Variants in CACNB2 observed in about 807,000 individuals in gnomAD.
CACNB2 encodes calcium voltage-gated channel auxiliary subunit beta 2, also known as voltage-dependent L-type calcium channel subunit beta-2.
Under a neutral mutation model 73.3 loss-of-function variants are expected in CACNB2, and 42 were observed. That is an observed-to-expected ratio of 0.57 (90% CI 0.45 to 0.74). CACNB2 has a LOEUF of 0.74. CACNB2 is among the 30% of genes least tolerant of loss of function. The pLI is 0.00. For missense variants in CACNB2, 940 were observed against 853.0 expected, an observed-to-expected ratio of 1.10 and a Z score of -1.27; for synonymous variants, 348 against 310.3, an observed-to-expected ratio of 1.12 and a Z score of -1.28.
chr10:18,211,321 G>A (rs1017878238), intron 2 of CACNB2, among the ~76,000 whole-genome samples: 1 of 152,142 alleles, frequency 6.6e-6, no homozygotes, highest in Non-Finnish European at 1.5e-5. Flanking sequence ...TCTTTGAAAT[G>A]CATAATTCCC....
rs1291732879 is a variant in CACNB2, at chr10:18,248,566, T to C, written c.213+97591T>C. Among the ~76,000 whole-genome samples the C allele has an allele frequency of 4.6e-5, 7 of 152,256 alleles. No individual in the cohort carries two copies. The South Asian group carries it at 6.2e-4, about 13-fold the overall frequency. ...TTGAGATTTTCCTCATTCATTTCTT[T>C]GTCACTATGTAGCTCATAGCTAATT... On this transcript the variant is annotated intron_variant, in intron 2 of 13. Transcript: ENST00000324631.
At chr10:18,353,976 A>C (rs1167004463) in intron 2 of CACNB2, among the ~76,000 whole-genome samples, 1 of 152,240 alleles carries the variant, frequency 6.6e-6, no homozygotes, top group Non-Finnish European at 1.5e-5. Flanking sequence ...GGCACTCATT[A>C]ATACCAGCAA....
intron 3 of CACNB2, among the ~76,000 whole-genome samples, chr10:18,495,682 G>C (rs948664249): frequency 3.3e-5 from 5 of 151,362 alleles, no homozygotes; most frequent in Non-Finnish European, 7.4e-5. Context: ...CAAAGTGTTG[G>C]GATTTACAGG....
rs755907676 is a variant in CACNB2 at position 18,398,667 on chromosome 10, T to TCACA, written c.214-3236_214-3233dup. On this transcript the variant is annotated intron_variant, in intron 2 of 13. Transcript: ENST00000324631. Reference sequence around the variant, plus strand: ...TCAAGCCTGGGTGACAGTGAGACTGTCACACACACACACACACACACACAT... The same window carrying TCACA: ...TCAAGCCTGGGTGACAGTGAGACTGTCACACACACACACACACACACACACACAT... Among the ~76,000 whole-genome samples, 367 of 132,372 alleles carry TCACA rather than the reference T, an allele frequency of 2.8e-3. 1 individual carries two copies. Among genetic ancestry groups the TCACA allele is most frequent in the East Asian group, 0.011 (52 of 4,872 alleles). 86.8% of individuals were successfully genotyped at this position (132,372 alleles called of 152,430 possible).
At chr10:18,178,216 T>C (rs1348257476) in intron 2 of CACNB2, among the ~76,000 whole-genome samples, 4 of 152,290 alleles carry the variant, frequency 2.6e-5, no homozygotes, top group South Asian at 2.1e-4. Context: ...CCTGTAGGGA[T>C]TGGGGACTTT....
At chr10:18,501,165 C>T (rs2050172631) in intron 5 of CACNB2, among the ~76,000 whole-genome samples, 1 of 152,194 alleles carries the variant, frequency 6.6e-6, no homozygotes, top group Non-Finnish European at 1.5e-5. Flanking sequence ...AAATTATTAT[C>T]ATTAATGAAA....
chr10:18,255,258 T>G (rs556432506), intron 2 of CACNB2, among the ~76,000 whole-genome samples: 1 of 152,058 alleles, frequency 6.6e-6, no homozygotes, highest in Non-Finnish European at 1.5e-5. Context: ...CTTACTTTAT[T>G]CTCCAACTGC....
At chr10:18,295,770 TG>T (rs2039252029) in intron 2 of CACNB2, among the ~76,000 whole-genome samples, 1 of 152,204 alleles carries the variant, frequency 6.6e-6, no homozygotes. Context: ...ACATTAAGTA[TG>T]TGCATGTTAT....
chr10:18,408,298 G>T (rs1422633687), intron 3 of CACNB2, among the ~76,000 whole-genome samples: 1 of 143,124 alleles, frequency 7.0e-6, no homozygotes, highest in African/African-American at 2.7e-5. Context: ...GAGTGCAGTG[G>T]TATGATCTCA....
At chr10:18,141,100 C>G in intron 1 of CACNB2, 2 of 1,549,320 alleles carry the variant, frequency 1.3e-6, no homozygotes, top group Non-Finnish European at 1.7e-6. Context: ...CGGGGGAGAC[C>G]TGCCAGTCCT....
chr10:18,236,494 A>G (rs1174236468), intron 2 of CACNB2, among the ~76,000 whole-genome samples: 1 of 152,212 alleles, frequency 6.6e-6, no homozygotes, highest in Non-Finnish European at 1.5e-5. Flanking sequence ...TCTTAGTTGT[A>G]TTTCCAGAGC....
chr10:18,234,870 G>A (rs1352598071), intron 2 of CACNB2, among the ~76,000 whole-genome samples: 3 of 152,210 alleles, frequency 2.0e-5, no homozygotes, highest in Non-Finnish European at 4.4e-5. Flanking sequence ...AGGGCCGGGC[G>A]CGGTGACTCA....
At chr10:18,452,659 C>T (rs567858963) in intron 3 of CACNB2, among the ~76,000 whole-genome samples, 1 of 152,314 alleles carries the variant, frequency 6.6e-6, no homozygotes, top group African/African-American at 2.4e-5. Context: ...ATCCTCCCAC[C>T]TTGGCCTCCT....
chr10:18,238,445 T>G (rs921108179), intron 2 of CACNB2: 1 of 152,198 alleles, frequency 6.6e-6, no homozygotes, highest in African/African-American at 2.4e-5. Context: ...CACTTCATTC[T>G]TTTCATTTTT....
chr10:18,220,743 G>A (rs1279599813), intron 2 of CACNB2, among the ~76,000 whole-genome samples: 2 of 152,114 alleles, frequency 1.3e-5, no homozygotes, highest in Non-Finnish European at 1.5e-5. Flanking sequence ...ATTCTCATAG[G>A]AGCGTGCAAA....
chr10:18,430,345 A>T (rs1022987132), intron 3 of CACNB2, among the ~76,000 whole-genome samples: 1 of 152,100 alleles, frequency 6.6e-6, no homozygotes, highest in African/African-American at 2.4e-5. Context: ...GAGAAAATAC[A>T]TTTATTTTTA....
intron 12 of CACNB2, among the ~76,000 whole-genome samples, chr10:18,537,392 A>G (rs566346307): frequency 8.4e-4 from 128 of 152,322 alleles, no homozygotes; most frequent in African/African-American, 2.9e-3. Context: ...GAAAAGTGGC[A>G]TTATTTTCTT....
rs71402148 is a variant in CACNB2, at chr10:18,150,855, C to CTTTTTTTTT, written c.121-11_121-3dup. 3.4e-3 allele frequency: 1,630 copies of CTTTTTTTTT among 484,190 alleles called. 73 individuals carry two copies. Among genetic ancestry groups the CTTTTTTTTT allele is most frequent in the East Asian group, 5.5e-3 (97 of 17,738 alleles). The allele number at this position is 484,190 out of a possible 1,614,324, so 30.0% of individuals were successfully genotyped here. On this transcript the variant is annotated intron_variant, in intron 1 of 13. Transcript: ENST00000324631. ...AGGGTCTCATAATAATCTTATTTGT[C>CTTTTTTTTT]TTTTTTTTTTTTTTTTTTTTTTTTT...
chr10:18,423,613 C>T (rs1363396536), intron 3 of CACNB2, among the ~76,000 whole-genome samples: 2 of 152,118 alleles, frequency 1.3e-5, no homozygotes, highest in Admixed American at 1.3e-4. Flanking sequence ...TATATGTATT[C>T]CACAAGCAAA....
Sources: allele counts gnomAD v4.1 joint callset (sites outside exome capture counted in the v4.1 genomes callset), GRCh38; gene constraint gnomAD v4.1.1; transcripts MANE v1.5; gene names NCBI Gene and HGNC (gene_info 2026-07-23, HGNC 2026-07-21).